The following PCDH15 variants were observed in gnomAD, a reference collection of about 807,000 sequenced individuals.
PCDH15 encodes protocadherin-15.
In PCDH15, 129 loss-of-function variants were observed where a neutral mutation model predicts 178.5. The observed-to-expected ratio is 0.72, with a 90% CI of 0.63 to 0.84. The LOEUF (loss-of-function observed/expected upper bound fraction) is 0.84. Among genes scored for constraint, PCDH15 ranks in the 40% least tolerant of loss-of-function variants. The pLI is 0.00. For synonymous variants in PCDH15, 800 were observed against 732.0 expected (o/e 1.09, Z -1.50); for missense variants, 2,230 against 2,099.9 (o/e 1.06, Z -1.21).
chr10:55,269,794 T>C (rs1842393677), intron 1 of PCDH15, among the ~76,000 whole-genome samples: 1 of 152,136 alleles, frequency 6.6e-6, no homozygotes, highest in Non-Finnish European at 1.5e-5. Context: ...AAAATTCATC[T>C]GGAACCAAAA....
chr10:55,239,645 A>G (rs1564922387), intron 1 of PCDH15, among the ~76,000 whole-genome samples: 2 of 152,178 alleles, frequency 1.3e-5, no homozygotes. Flanking sequence ...TTTCTTGAGT[A>G]ATACCTCACA....
intron 25 of PCDH15, among the ~76,000 whole-genome samples, chr10:53,935,394 T>A (rs2085478364): frequency 6.6e-6 from 1 of 151,892 alleles, no homozygotes; most frequent in Non-Finnish European, 1.5e-5. Context: ...TGTGGGAAAA[T>A]ATAAGAGATG....
chr10:55,393,719 C>A (rs1390142305), intron 2 of PCDH15, among the ~76,000 whole-genome samples: 1 of 152,104 alleles, frequency 6.6e-6, no homozygotes, highest in Non-Finnish European at 1.5e-5. Context: ...GACTTACAAC[C>A]CAGATCACAA....
chr10:54,493,957 A>G (rs560790812), intron 3 of PCDH15, among the ~76,000 whole-genome samples: 1 of 152,176 alleles, frequency 6.6e-6, no homozygotes, highest in Non-Finnish European at 1.5e-5. Context: ...GAAATCGGAA[A>G]TCATCATTCT....
intron 1 of PCDH15, among the ~76,000 whole-genome samples, chr10:55,306,311 T>G (rs899222033): frequency 2.0e-5 from 3 of 152,222 alleles, no homozygotes; most frequent in African/African-American, 7.2e-5. Context: ...AACATAAGTT[T>G]TATACCAACT....
At chr10:55,540,267 T>C (rs1438095415) in intron 2 of PCDH15, among the ~76,000 whole-genome samples, 1 of 152,080 alleles carries the variant, frequency 6.6e-6, no homozygotes, top group Non-Finnish European at 1.5e-5. Context: ...TATAATACAA[T>C]GAGTTCATCA....
chr10:54,892,114 G>T (rs1332541174), intron 3 of PCDH15, among the ~76,000 whole-genome samples: 1 of 152,008 alleles, frequency 6.6e-6, no homozygotes, highest in African/African-American at 2.4e-5. Flanking sequence ...GAGAGAATTT[G>T]GAGGAAACAT....
chr10:54,263,991 A>C (rs187673819), intron 8 of PCDH15, among the ~76,000 whole-genome samples: 324 of 152,198 alleles, frequency 2.1e-3, no homozygotes, highest in Admixed American at 4.0e-3. Context: ...CCCATGCTGG[A>C]TGCTTCCAGT....
chr10:54,192,110 A>AG (rs772105313), intron 11 of PCDH15, among the ~76,000 whole-genome samples: 31,662 of 144,860 alleles, frequency 0.22, 5,268 homozygotes, highest in African/African-American at 0.46. Flanking sequence ...GAAGAAAGAA[A>AG]AAAAAAAAAG....
At chr10:54,735,238 G>T (rs1943946985) in intron 1 of PCDH15, among the ~76,000 whole-genome samples, 1 of 151,932 alleles carries the variant, frequency 6.6e-6, no homozygotes, top group African/African-American at 2.4e-5. Context: ...TGACCAATTT[G>T]GTTAATTCTA....
intron 2 of PCDH15, among the ~76,000 whole-genome samples, chr10:55,368,941 A>T (rs1256330411): frequency 2.6e-5 from 4 of 151,134 alleles, no homozygotes; most frequent in Non-Finnish European, 5.9e-5. Flanking sequence ...TATAATAACC[A>T]AAGTGTCTTT....
At chr10:55,188,815 T>C (rs1839869285) in intron 1 of PCDH15, among the ~76,000 whole-genome samples, 1 of 151,912 alleles carries the variant, frequency 6.6e-6, no homozygotes, top group Non-Finnish European at 1.5e-5. Flanking sequence ...ATTATTTCAA[T>C]GTAAATATTT....
At chr10:55,541,662 G>A (rs1199982653) in intron 2 of PCDH15, among the ~76,000 whole-genome samples, 1 of 151,760 alleles carries the variant, frequency 6.6e-6, no homozygotes, top group African/African-American at 2.4e-5. Context: ...AGAAACAACT[G>A]AACTATCCAC....
rs1254932973 is a variant in PCDH15 at position 55,121,363 on chromosome 10, G to A, written c.-80+45213C>T. Reference sequence around the variant, plus strand: ...TGGTTTCACAGGCTCAGAGCTGGGGGGGGGCAATTTGCCTTAGGATGACTT... The same window carrying A: ...TGGTTTCACAGGCTCAGAGCTGGGGAGGGGCAATTTGCCTTAGGATGACTT... On this transcript the variant is annotated intron_variant, in intron 2 of 5. Coordinates refer to the PCDH15 transcript ENST00000458638. Among the ~76,000 whole-genome samples, 4 of 151,232 alleles carry A rather than the reference G, an allele frequency of 2.6e-5. No individual in the cohort carries two copies. In the East Asian group the frequency reaches 5.9e-4, roughly 22 times the overall value.
chr10:54,955,576 A>G (rs1307713719), intron 2 of PCDH15, among the ~76,000 whole-genome samples: 1 of 151,478 alleles, frequency 6.6e-6, no homozygotes, highest in African/African-American at 2.4e-5. Flanking sequence ...GAGAAAAGAG[A>G]TAATTCTTGA....
intron 2 of PCDH15, among the ~76,000 whole-genome samples, chr10:55,585,932 G>T (rs1197058048): frequency 1.3e-5 from 2 of 151,946 alleles, no homozygotes; most frequent in East Asian, 1.9e-4. Context: ...ACCGTATGGG[G>T]TCTCTATATA....
intron 1 of PCDH15, among the ~76,000 whole-genome samples, chr10:55,254,335 T>A (rs997146815): frequency 6.6e-6 from 1 of 152,166 alleles, no homozygotes; most frequent in Non-Finnish European, 1.5e-5. Flanking sequence ...ATGTCTCTTT[T>A]GAGTGAGGGT....
In PCDH15 at chr10:55,370,616, A is replaced by G. The variant is rs190131447; in HGVS notation, c.-155-203965T>C. ...GAAGTTCAGAGTCCTAATTAATGTT[A>G]TATTTAGTGATCCTTACAAATTGCT... On this transcript the variant is annotated intron_variant, in intron 2 of 5. Transcript: ENST00000613346. Among the ~76,000 whole-genome samples, 351 of 152,230 alleles carry G rather than the reference A, an allele frequency of 2.3e-3. 1 individual carries two copies. Among genetic ancestry groups the G allele is most frequent in the African/African-American group, 6.5e-3 (270 of 41,570 alleles).
chr10:55,566,478 A>T (rs1360048761), intron 2 of PCDH15, among the ~76,000 whole-genome samples: 1 of 151,638 alleles, frequency 6.6e-6, no homozygotes, highest in Non-Finnish European at 1.5e-5. Context: ...ATATGAAAGG[A>T]AAAGAAAAAT....
Sources: allele counts gnomAD v4.1 joint callset (sites outside exome capture counted in the v4.1 genomes callset), GRCh38; gene constraint gnomAD v4.1.1; transcripts MANE v1.5; gene names NCBI Gene and HGNC (gene_info 2026-07-23, HGNC 2026-07-21).